The following AFAP1 variants were observed in gnomAD, a reference collection of about 807,000 sequenced individuals.
The protein encoded by AFAP1 is actin filament-associated protein 1.
A neutral mutation model predicts 93.9 loss-of-function variants in AFAP1; 75 were observed. The observed-to-expected ratio is 0.80, with a 90% CI of 0.66 to 0.97. AFAP1 has a LOEUF of 0.97. Ranked by LOEUF, AFAP1 falls within the 50% of genes least tolerant of loss-of-function variation. The pLI, the probability that AFAP1 is intolerant of heterozygous loss-of-function variation, is 0.00. For missense variants in AFAP1, 1,201 were observed against 1,050.8 expected (o/e 1.14, Z -1.98); for synonymous variants, 517 against 430.7 (o/e 1.20, Z -2.48).
chr4:7,862,739 C>A (rs1715877832), intron 3 of AFAP1, among the ~76,000 whole-genome samples: 1 of 152,164 alleles, frequency 6.6e-6, no homozygotes, highest in Non-Finnish European at 1.5e-5. Flanking sequence ...ATGATATAAC[C>A]TCAGGCTGTC....
chr4:7,778,969 C>G (rs1256615646), intron 13 of AFAP1, 93 bp from the exon 14 acceptor site: 2 of 986,158 alleles, frequency 2.0e-6, no homozygotes, highest in Non-Finnish European at 3.0e-6. Context: ...CTTTCAGTCT[C>G]TAAGTATTGT....
chr4:7,789,429 A>AC (rs1160093139), intron 11 of AFAP1, among the ~76,000 whole-genome samples: 1 of 109,876 alleles, frequency 9.1e-6, no homozygotes, highest in African/African-American at 3.5e-5. Context: ...CATCCTCACC[A>AC]CCCCATCCGT....
chr4:7,873,408 G>C (rs1717238607), intron 1 of AFAP1, among the ~76,000 whole-genome samples: 1 of 118,800 alleles, frequency 8.4e-6, no homozygotes, highest in Non-Finnish European at 1.6e-5. Context: ...GAGTGCAGTG[G>C]CACGATCTGG....
At chr4:7,782,125 C>G (rs1193164926) in intron 12 of AFAP1, among the ~76,000 whole-genome samples, 1 of 152,232 alleles carries the variant, frequency 6.6e-6, no homozygotes, top group African/African-American at 2.4e-5. Flanking sequence ...ATGCTTTACA[C>G]AGCACTTCTC....
At chr4:7,814,112 T>A (rs1432542781) in intron 8 of AFAP1, among the ~76,000 whole-genome samples, 2 of 152,022 alleles carry the variant, frequency 1.3e-5, no homozygotes, top group African/African-American at 2.4e-5. Flanking sequence ...AGACTATACA[T>A]CCAAAACACA....
chr4:7,868,642 C>G lies in AFAP1; in HGVS notation c.205G>C (p.Glu69Gln). Residue 69 changes from glutamate (E) to glutamine (Q), a missense_variant, in exon 3 of 18, where the codon GAG becomes CAG. Physicochemically the swap from Glu to Gln is conservative, Grantham distance 29. Transcript: ENST00000420658. Reference protein sequence around the residue: ...LPAPPQMPLPEIPQPWLPPDS... With the variant: ...LPAPPQMPLPQIPQPWLPPDS... ...CTCACCAGCCAGGGCTGAGGGATCT[C>G]CGGCAGGGGCATCTGAGGAGGGGCT... The G allele has an allele frequency of 6.2e-7, 1 of 1,612,472 alleles. No individual in the cohort carries two copies. The highest frequency in any genetic ancestry group is 8.5e-7 in the Non-Finnish European group (1 of 1,179,776).
chr4:7,765,079 G>GGTCAACAGA (rs1441471416), intron 17 of AFAP1, among the ~76,000 whole-genome samples: 2 of 152,040 alleles, frequency 1.3e-5, no homozygotes, highest in Non-Finnish European at 2.9e-5. Context: ...ACTCGAGCGT[G>GGTCAACAGA]GTCAACAGAG....
chr4:7,920,183 T>C (rs1352353129), intron 1 of AFAP1, among the ~76,000 whole-genome samples: 1 of 152,172 alleles, frequency 6.6e-6, no homozygotes, highest in Non-Finnish European at 1.5e-5. Context: ...AGTCAAATGG[T>C]ATTTCTGGTT....
chr4:7,844,917 G>A (rs934205637), intron 4 of AFAP1, among the ~76,000 whole-genome samples: 1 of 152,190 alleles, frequency 6.6e-6, no homozygotes, highest in African/African-American at 2.4e-5. Flanking sequence ...AGATGAATGA[G>A]AGATAAGGAG....
chr4:7,933,629 C>A (rs996656627), intron 1 of AFAP1, among the ~76,000 whole-genome samples: 6 of 152,140 alleles, frequency 3.9e-5, no homozygotes, highest in Admixed American at 3.3e-4. Context: ...AAGAGAAATG[C>A]GCCCAGGGGA....
chr4:7,806,941 A>G (rs972395873), intron 9 of AFAP1, among the ~76,000 whole-genome samples: 1 of 152,164 alleles, frequency 6.6e-6, no homozygotes, highest in Non-Finnish European at 1.5e-5. Flanking sequence ...ATTTATCAGG[A>G]GCCACGGGAG....
intron 1 of AFAP1, among the ~76,000 whole-genome samples, chr4:7,926,573 A>G (rs943162417): frequency 6.6e-6 from 1 of 152,104 alleles, no homozygotes; most frequent in African/African-American, 2.4e-5. Context: ...GCAAATGGGG[A>G]GGCCAGGTTC....
intron 3 of AFAP1, among the ~76,000 whole-genome samples, chr4:7,867,256 C>A (rs1345269995): frequency 1.3e-5 from 2 of 152,178 alleles, no homozygotes; most frequent in Non-Finnish European, 2.9e-5. Flanking sequence ...TTGAGAAGCG[C>A]TGCTCTGAGG....
chr4:7,848,123 G>GGAAGGAAGGAAGGAAGGAAGGAAGGAAT (rs1713971387), intron 4 of AFAP1, among the ~76,000 whole-genome samples: 1 of 120,454 alleles, frequency 8.3e-6, no homozygotes, highest in African/African-American at 3.2e-5. Flanking sequence ...AAGGAAGGAA[G>GGAAGGAAGGAAGGAAGGAAGGAAGGAAT]GAAGGGAGTG....
chr4:7,843,492 A>G (rs1267288351), intron 4 of AFAP1, 142 bp from the exon 5 acceptor site: 11 of 757,556 alleles, frequency 1.5e-5, no homozygotes, highest in Non-Finnish European at 2.3e-5. Flanking sequence ...GAAAAAACAA[A>G]AACAAAAACA....
intron 1 of AFAP1, among the ~76,000 whole-genome samples, chr4:7,885,693 G>A (rs1381711526): frequency 1.3e-5 from 2 of 152,204 alleles, no homozygotes; most frequent in Admixed American, 6.5e-5. Flanking sequence ...CAACATTCCT[G>A]AGATCTGCTT....
In AFAP1 at chr4:7,843,419, G is replaced by C. The variant is rs1040734940; in HGVS notation, c.335-69C>G. The C allele has an allele frequency of 5.8e-6, 8 of 1,376,828 alleles. No homozygotes were observed. The Admixed American group carries it at 1.5e-4, about 26-fold the overall frequency. 85.3% of individuals were successfully genotyped at this position (1,376,828 alleles called of 1,614,324 possible). A position where few individuals can be genotyped will look rare whatever the true frequency, so the allele number is the denominator to read the frequency against. On this transcript the variant is annotated intron_variant, in intron 4 of 17. Transcript: ENST00000420658. Reference sequence around the variant, plus strand: ...TTGAAGTTTACCCGTGGGCTCAAGAGCACGTCCTCTTATTTTTAATCACCA... The same window carrying C: ...TTGAAGTTTACCCGTGGGCTCAAGACCACGTCCTCTTATTTTTAATCACCA...
intron 4 of AFAP1, among the ~76,000 whole-genome samples, chr4:7,845,433 ACT>A (rs1332020996): frequency 6.6e-4 from 50 of 76,324 alleles, no homozygotes; most frequent in African/African-American, 1.1e-3. Flanking sequence ...TATTATTATT[ACT>A]TTAAGTCCAG....
intron 1 of AFAP1, among the ~76,000 whole-genome samples, chr4:7,921,346 G>A (rs369553119): frequency 4.0e-5 from 6 of 151,822 alleles, no homozygotes; most frequent in East Asian, 1.9e-4. Context: ...ACCACGCCTG[G>A]CTAATTTTTT....
Sources: gnomAD v4.1 joint callset for allele counts (sites outside exome capture counted in the v4.1 genomes callset) on GRCh38, gnomAD v4.1.1 for gene constraint, MANE v1.5 for transcripts, NCBI Gene and HGNC (gene_info 2026-07-23, HGNC 2026-07-21) for gene names.